Variants in UBQLN3 observed in about 807,000 individuals in gnomAD.
UBQLN3 encodes ubiquilin 3.
Under a neutral mutation model 2.9 loss-of-function variants are expected in UBQLN3, and 1 was observed. The ratio of observed to expected loss-of-function variants is 0.35; its 90% CI spans 0.12 to 1.66. UBQLN3 has a LOEUF of 1.66. Among genes scored for constraint, UBQLN3 ranks in the 40% most tolerant of loss-of-function variants. UBQLN3 has a pLI of 0.35. For missense variants in UBQLN3, 924 were observed against 816.5 expected (o/e 1.13, Z -1.61); for synonymous variants, 358 against 317.6 (o/e 1.13, Z -1.35).
Position 5,508,775 on chromosome 11 carries a change from T to C in UBQLN3, c.784A>G (p.Met262Val). ...NVLCTMYTDI[M>V]DPMLNAVQEQ... is the part of the protein sequence containing the mutation. ...TGGACTGCGTTAAGCATTGGGTCCA[T>C]AATATCTGTGTACATAGTGCAAAGC... Residue 262 changes from methionine (M) to valine (V), a missense_variant, in exon 2 of 2, where the codon ATG becomes GTG. Coordinates refer to ENST00000311659, the MANE Select transcript of UBQLN3 (RefSeq NM_017481.4). The surrounding 1 kb of genome is among the most constrained non-coding windows in gnomAD (Gnocchi z 4.2). 6.2e-7 allele frequency: 1 copy of C among 1,614,158 alleles called. No individual in the cohort carries two copies.
At position 5,509,747 on chromosome 11, in the gene UBQLN3, A is replaced by G; in HGVS notation, c.-37+127T>C. The G allele has an allele frequency of 4.1e-6, 4 of 979,076 alleles. No individual in the cohort carries two copies. In the South Asian group the frequency reaches 7.2e-5, roughly 18 times the overall value. 60.6% of individuals were successfully genotyped at this position (979,076 alleles called of 1,614,324 possible). ...TGAGGTTTCTGGGGCAGGATGCTTT[A>G]GGAAGATTGCGGGATTGAGATATGT... On this transcript the variant is annotated intron_variant, in intron 1 of 1. Coordinates refer to ENST00000311659, the MANE Select transcript of UBQLN3 (RefSeq NM_017481.4).
Position 5,507,939 on chromosome 11 carries a change from G to A in UBQLN3, c.1620C>T (p.Arg540=), listed in dbSNP as rs1232501358. The A allele has an allele frequency of 6.2e-7, 1 of 1,613,938 alleles. No homozygotes were observed. Among genetic ancestry groups the A allele is most frequent in the East Asian group, 2.2e-5 (1 of 44,850 alleles). The change falls in exon 2 of 2, where the codon CGC becomes CGT. Residue 540 remains arginine, a synonymous_variant. Transcript: ENST00000311659. ...GGCAAGGCATGAACCAGAGTAGGAGGCGAGGTGCTTCAGTAGCTAGGACCT... is the reference window on the plus strand; with the variant it reads ...GGCAAGGCATGAACCAGAGTAGGAGACGAGGTGCTTCAGTAGCTAGGACCT... ...GLQVLATEAP[R]LLLWFMPCLA... is the part of the protein sequence containing the mutation.
In UBQLN3 at chr11:5,509,078, G is replaced by A; in HGVS notation, c.481C>T (p.His161Tyr). 2 of 1,614,186 alleles carry A rather than the reference G, an allele frequency of 1.2e-6. No homozygotes were observed. Among genetic ancestry groups the A allele is most frequent in the South Asian group, 1.1e-5 (1 of 91,068 alleles). ...PDQPSSLMRQ[H>Y]VSVPEFVTQL... Reference sequence around the variant, plus strand: ...GTCACAAACTCAGGCACAGACACATGCTGCCGCATCAGGGAGCTTGGCTGG... The same window carrying A: ...GTCACAAACTCAGGCACAGACACATACTGCCGCATCAGGGAGCTTGGCTGG... The change falls in exon 2 of 2, where the codon CAT becomes TAT. Residue 161 changes from histidine (H) to tyrosine (Y), a missense_variant. By Grantham distance (83) the His-to-Tyr change is moderately conservative. Coordinates refer to ENST00000311659, the MANE Select transcript of UBQLN3 (RefSeq NM_017481.4).
chr11:5,508,213 C>T lies in UBQLN3; in HGVS notation c.1346G>A (p.Gly449Glu), dbSNP rs751767264. Residue 449 changes from glycine (G) to glutamate (E), a missense_variant, in exon 2 of 2, where the codon GGA becomes GAA. Coordinates refer to ENST00000311659, the MANE Select transcript of UBQLN3 (RefSeq NM_017481.4). The surrounding 1 kb of genome is among the most constrained non-coding windows in gnomAD (Gnocchi z 4.2). ...AAATGGAACCCTGTTGGCAGAATCT[C>T]CCAGCCCCGAGACAAGATCAGGCAA... is the stretch of plus-strand genomic sequence containing the variant. Reference protein sequence around the residue: ...TNLPDLVSGLGDSANRVPFAP... With the variant: ...TNLPDLVSGLEDSANRVPFAP... 12 of 1,614,012 alleles carry T rather than the reference C, an allele frequency of 7.4e-6. No homozygotes were observed. In the East Asian group the frequency reaches 2.7e-4, roughly 36 times the overall value.
At chr11:5,509,754 T>C (rs1846445986) in intron 1 of UBQLN3, 120 bp downstream of exon 1, 3 of 892,508 alleles carry the variant, frequency 3.4e-6, no homozygotes, top group Non-Finnish European at 4.9e-6. Flanking sequence ...TTTAGGAAGA[T>C]TGCGGGATTG....
Position 5,508,632 on chromosome 11 carries a change from T to G in UBQLN3, c.927A>C (p.Thr309=), listed in dbSNP as rs760329329. The G allele has an allele frequency of 2.5e-6, 4 of 1,614,130 alleles. No individual in the cohort carries two copies. In the South Asian group the frequency reaches 3.3e-5, roughly 13 times the overall value. ...CTTGCCTGCTACCTGAGCCTCCATG[T>G]GTGGAAGTCCAGGGGTTGGGGAGAG... ...CDPLPNPWTS[T]HGGSGSRQGR... Residue 309 remains threonine (T), a synonymous_variant, in exon 2 of 2, where the codon ACA becomes ACC. Transcript: ENST00000311659. This position sits in a 1 kb window ranked among gnomAD's most constrained non-coding sequence, Gnocchi z 4.2.
chr11:5,508,791 A>C lies in UBQLN3; in HGVS notation c.768T>G (p.Thr256=). 1 of 1,614,176 alleles carries C rather than the reference A, an allele frequency of 6.2e-7. No individual in the cohort carries two copies. The highest frequency in any genetic ancestry group is 8.5e-7 in the Non-Finnish European group (1 of 1,180,032). ...TTGGGTCCATAATATCTGTGTACAT[A>C]GTGCAAAGCACATTGTAGCCACCAG... ...SIPGGYNVLC[T]MYTDIMDPML... Residue 256 remains threonine (T), a synonymous_variant, in exon 2 of 2, where the codon ACT becomes ACG. Coordinates refer to ENST00000311659, the MANE Select transcript of UBQLN3 (RefSeq NM_017481.4). The surrounding 1 kb of genome is among the most constrained non-coding windows in gnomAD (Gnocchi z 4.2).
At position 5,508,410 on chromosome 11, in the gene UBQLN3, C is replaced by T. The variant is rs2234452; in HGVS notation, c.1149G>A (p.Ser383=). Reference sequence around the variant, plus strand: ...ACCCAGGCTCCTGAGATGAGGGTGACGATGGGGGAACTCTGTTTACTGATG... The same window carrying T: ...ACCCAGGCTCCTGAGATGAGGGTGATGATGGGGGAACTCTGTTTACTGATG... ...PPPSVNRVPP[S]SPSSQEPGSG... is the part of the protein sequence containing the mutation. Residue 383 remains serine, a synonymous_variant, in exon 2 of 2, where the codon TCG becomes TCA. Coordinates refer to ENST00000311659, the MANE Select transcript of UBQLN3 (RefSeq NM_017481.4). The surrounding 1 kb of genome is among the most constrained non-coding windows in gnomAD (Gnocchi z 4.2). The T allele has an allele frequency of 3.6e-5, 58 of 1,601,300 alleles. No homozygotes were observed. The highest frequency in any genetic ancestry group is 6.7e-5 in the African/African-American group (5 of 74,390).
At chr11:5,509,628 C>A (rs1408821977) in intron 1 of UBQLN3, 34 bp from the exon 2 acceptor site, 5 of 1,530,458 alleles carry the variant, frequency 3.3e-6, no homozygotes, top group Non-Finnish European at 4.4e-6. Flanking sequence ...CAAGATCATC[C>A]TTTCAGGCAA....
intron 1 of UBQLN3, 140 bp from the exon 2 acceptor site, chr11:5,509,734 G>A (rs1285369670): frequency 1.8e-6 from 2 of 1,098,260 alleles, no homozygotes; most frequent in African/African-American, 3.2e-5. Context: ...AGGTTTCTGG[G>A]GCAGGATGCT....
Position 5,509,858 on chromosome 11 carries a change from G to A in UBQLN3, c.-37+16C>T, listed in dbSNP as rs1846447056. 1 of 365,822 alleles carries A rather than the reference G, an allele frequency of 2.7e-6. No homozygotes were observed. The highest frequency in any genetic ancestry group is 4.4e-5 in the Admixed American group (1 of 22,524). The allele number at this position is 365,822 out of a possible 1,614,324, so 22.7% of individuals were successfully genotyped here. ...GGACAAAGGTAGAAGGAAGGGCCCA[G>A]CTGGGGTGTACATACCAGTCAGCTG... On this transcript the variant is annotated intron_variant, in intron 1 of 1. Coordinates refer to ENST00000311659, the MANE Select transcript of UBQLN3 (RefSeq NM_017481.4).
chr11:5,507,632 C>A lies in UBQLN3; in HGVS notation c.1927G>T (p.Gly643Cys). The change falls in exon 2 of 2, where the codon GGC (glycine) becomes TGC (cysteine). Residue 643 changes from glycine to cysteine, a missense_variant. Physicochemically the swap from Gly to Cys is radical, Grantham distance 159 (BLOSUM62 -3). Transcript: ENST00000311659. ...ANLQALIATGGDVDAAVEKLR... is the reference protein window; with the variant it reads ...ANLQALIATGCDVDAAVEKLR... ...TTCTCCACAGCAGCATCCACGTCGC[C>A]CCCCGTAGCAATGAGGGCCTGAAGA... 2 of 1,613,338 alleles carry A rather than the reference C, an allele frequency of 1.2e-6. No homozygotes were observed. Among genetic ancestry groups the A allele is most frequent in the South Asian group, 1.1e-5 (1 of 90,998 alleles).
At chr11:5,509,742 G>A in intron 1 of UBQLN3, 132 bp downstream of exon 1, 1 of 1,009,430 alleles carries the variant, frequency 9.9e-7, no homozygotes, top group African/African-American at 1.6e-5. Flanking sequence ...GGGGCAGGAT[G>A]CTTTAGGAAG....
rs759817450 is a variant in UBQLN3 at position 5,508,311 on chromosome 11, G to C, written c.1248C>G (p.Pro416=). ...RSSCPAFLRY[P]TENSTGQGGD... is the part of the protein sequence containing the mutation. ...CACCTTGTCCAGTACTGTTCTCTGT[G>C]GGGTATCTCAGGAAAGCTGGGCAGG... Residue 416 remains proline (P), a synonymous_variant, in exon 2 of 2, where the codon CCC becomes CCG. Coordinates refer to ENST00000311659, the MANE Select transcript of UBQLN3 (RefSeq NM_017481.4). The surrounding 1 kb of genome is among the most constrained non-coding windows in gnomAD (Gnocchi z 4.2). 1.1e-5 allele frequency: 17 copies of C among 1,610,932 alleles called. No individual in the cohort carries two copies. In the Admixed American group the frequency reaches 2.2e-4, roughly 21 times the overall value.
At position 5,509,328 on chromosome 11, in the gene UBQLN3, T is replaced by C. The variant is rs769115026; in HGVS notation, c.231A>G (p.Ala77=). The change falls in exon 2 of 2, where the codon GCA becomes GCG. Residue 77 remains alanine (A), a synonymous_variant. Transcript: ENST00000311659. ...GKILKDPDSL[A]QCGVRDGLTV... Reference sequence around the variant, plus strand: ...TGAGGCCATCTCGCACTCCACACTGTGCCAGTGAGTCAGGATCCTTGAGGA... The same window carrying C: ...TGAGGCCATCTCGCACTCCACACTGCGCCAGTGAGTCAGGATCCTTGAGGA... The C allele has an allele frequency of 6.2e-7, 1 of 1,614,176 alleles. No individual in the cohort carries two copies. Among genetic ancestry groups the C allele is most frequent in the East Asian group, 2.2e-5 (1 of 44,884 alleles).
Position 5,508,643 on chromosome 11 carries a change from AG to A in UBQLN3, c.915del (p.Trp306GlyfsTer35). 6.2e-7 allele frequency: 1 copy of A among 1,613,980 alleles called. No homozygotes were observed. The highest frequency in any genetic ancestry group is 8.5e-7 in the Non-Finnish European group (1 of 1,179,978). ...CCTGAGCCTCCATGTGTGGAAGTCC[AG>A]GGGTTGGGGAGAGGGTCACAATTCT... ...RMENCDPLPN[P>X]WTSTHGGSGS... On this transcript the variant is annotated frameshift_variant, in exon 2 of 2. Transcript: ENST00000311659. LOFTEE classifies it low-confidence loss of function (END_TRUNC). This position sits in a 1 kb window ranked among gnomAD's most constrained non-coding sequence, Gnocchi z 4.2.
In UBQLN3 at chr11:5,508,917, C is replaced by T. The variant is rs770634592; in HGVS notation, c.642G>A (p.Pro214=). Residue 214 remains proline (P), a synonymous_variant, in exon 2 of 2, where the codon CCG becomes CCA. Transcript: ENST00000311659. This position sits in a 1 kb window ranked among gnomAD's most constrained non-coding sequence, Gnocchi z 4.2. Reference sequence around the variant, plus strand: ...ACTCCAGTGTCTGCCGCATAATTTCCGGGTTGTTAAGAATATGCCCAATCT... The same window carrying T: ...ACTCCAGTGTCTGCCGCATAATTTCTGGGTTGTTAAGAATATGCCCAATCT... The part of the protein sequence containing the change: ...NPEIGHILNN[P]EIMRQTLEFL... 2.0e-5 allele frequency: 32 copies of T among 1,614,030 alleles called. No individual in the cohort carries two copies. Among genetic ancestry groups the T allele is most frequent in the African/African-American group, 1.6e-4 (12 of 74,916 alleles).
Position 5,509,349 on chromosome 11 carries a change from G to T in UBQLN3, c.210C>A (p.Leu70=). 1 of 1,614,196 alleles carries T rather than the reference G, an allele frequency of 6.2e-7. No homozygotes were observed. The highest frequency in any genetic ancestry group is 8.5e-7 in the Non-Finnish European group (1 of 1,180,032). ...ACTGTGCCAGTGAGTCAGGATCCTT[G>T]AGGATTTTGCCAGCAAAGATTAGAA... ...QLVLIFAGKI[L]KDPDSLAQCG... The change falls in exon 2 of 2, where the codon CTC becomes CTA. Residue 70 remains leucine (L), a synonymous_variant. Transcript: ENST00000311659.
At position 5,509,871 on chromosome 11, in the gene UBQLN3, T is replaced by G; in HGVS notation, c.-37+3A>C. On this transcript the variant is annotated splice_donor_region_variant and intron_variant, in intron 1 of 1. Transcript: ENST00000311659. ...AGGAAGGGCCCAGCTGGGGTGTACA[T>G]ACCAGTCAGCTGTGGTCCCGTCCTT... 3 of 304,380 alleles carry G rather than the reference T, an allele frequency of 9.9e-6. No homozygotes were observed. The highest frequency in any genetic ancestry group is 1.2e-5 in the Non-Finnish European group (2 of 162,956). 18.9% of individuals were successfully genotyped at this position (304,380 alleles called of 1,614,324 possible). A position where few individuals can be genotyped will look rare whatever the true frequency, so the allele number is the denominator to read the frequency against.
Sources: gnomAD v4.1 joint callset for allele counts on GRCh38, gnomAD v4.1.1 for gene constraint, Gnocchi (gnomAD v3.1) non-coding constraint, MANE v1.5 for transcripts, NCBI Gene and HGNC (gene_info 2026-07-23, HGNC 2026-07-21) for gene names.